The following C2CD3 variants were observed in gnomAD, a reference collection of about 807,000 sequenced individuals.
The protein encoded by C2CD3 is C2 domain containing 3 centriole elongation regulator, also known as C2 domain-containing protein 3.
In C2CD3, 148 loss-of-function variants were observed where a neutral mutation model predicts 234.0. The observed-to-expected ratio is 0.63, with a 90% CI of 0.55 to 0.72. C2CD3 has a LOEUF of 0.72. Among genes scored for constraint, C2CD3 ranks in the 30% least tolerant of loss-of-function variants. The pLI is 0.00. For missense variants in C2CD3, 2,577 were observed against 2,811.5 expected, an observed-to-expected ratio of 0.92 and a Z score of 1.89; for synonymous variants, 1,000 against 1,035.4, an observed-to-expected ratio of 0.97 and a Z score of 0.66.
chr11:74,059,742 T>G (rs1954141950), intron 24 of C2CD3, among the ~76,000 whole-genome samples: 1 of 152,184 alleles, frequency 6.6e-6, no homozygotes, highest in South Asian at 2.1e-4. Context: ...TTGATTTCTG[T>G]ATTTCCAACT....
At chr11:74,013,790 C>T (rs699139) in intron 32 of C2CD3, among the ~76,000 whole-genome samples, 4,083 of 152,228 alleles carry the variant, frequency 0.027, 189 homozygotes, top group African/African-American at 0.094. Context: ...AGAGCTGGGA[C>T]GTGAACCCCA....
chr11:74,062,856 A>C (rs1283654835), intron 24 of C2CD3, among the ~76,000 whole-genome samples: 1 of 152,098 alleles, frequency 6.6e-6, no homozygotes, highest in Non-Finnish European at 1.5e-5. Flanking sequence ...TTTTTTGAAA[A>C]GGTCAACAAA....
intron 2 of C2CD3, 108 bp from the exon 3 acceptor site, chr11:74,161,664 AT>A (rs1856480178): frequency 3.2e-6 from 2 of 627,526 alleles, no homozygotes; most frequent in African/African-American, 1.9e-5. Flanking sequence ...TTGAAAAAAA[AT>A]ATTTTATGTT....
chr11:74,081,142 T>C (rs539313095), intron 22 of C2CD3, among the ~76,000 whole-genome samples: 1 of 152,296 alleles, frequency 6.6e-6, no homozygotes, highest in South Asian at 2.1e-4. Flanking sequence ...ACACCTACTA[T>C]GTGTCAGGTA....
chr11:74,025,588 G>A (rs188411091), intron 32 of C2CD3, among the ~76,000 whole-genome samples: 2 of 152,194 alleles, frequency 1.3e-5, no homozygotes, highest in Admixed American at 6.5e-5. Flanking sequence ...CATTCAAAGC[G>A]GCCCAGAGAC....
intron 3 of C2CD3, among the ~76,000 whole-genome samples, chr11:74,156,035 G>C (rs1310376252): frequency 6.6e-6 from 1 of 151,984 alleles, no homozygotes; most frequent in African/African-American, 2.4e-5. Context: ...CAGCACTTTG[G>C]GAGGCCGAGG....
intron 21 of C2CD3, 77 bp downstream of exon 21, chr11:74,085,541 T>C (rs569615000): frequency 2.1e-6 from 3 of 1,426,218 alleles, no homozygotes; most frequent in Admixed American, 1.8e-5. Flanking sequence ...CTGCAGTATG[T>C]ATCTCCTAGG....
intron 24 of C2CD3, among the ~76,000 whole-genome samples, chr11:74,059,239 T>C (rs1234081534): frequency 1.3e-5 from 2 of 151,496 alleles, no homozygotes; most frequent in Non-Finnish European, 2.9e-5. Flanking sequence ...TGAAACCCCG[T>C]CTCTACTAAA....
In C2CD3 at chr11:74,051,013, C is replaced by G. The variant is rs193058119; in HGVS notation, c.5156-1471G>C. Among the ~76,000 whole-genome samples, 490 of 151,376 alleles carry G rather than the reference C, an allele frequency of 3.2e-3. 4 individuals carry two copies. In the Middle Eastern group the frequency reaches 0.034, roughly 11 times the overall value. On this transcript the variant is annotated intron_variant, in intron 26 of 32. Coordinates refer to ENST00000334126, the MANE Select transcript of C2CD3 (RefSeq NM_001286577.2). ...AGATTCAAGATCCCCTTTGGTTGAG[C>G]AGGTGGCTCATGCGTGTAACCCCAG...
chr11:74,087,213 T>C (rs370383162), intron 20 of C2CD3, among the ~76,000 whole-genome samples: 9 of 152,188 alleles, frequency 5.9e-5, no homozygotes, highest in African/African-American at 2.2e-4. Context: ...CCATGAAGTA[T>C]ATATTATGCC....
intron 2 of C2CD3, among the ~76,000 whole-genome samples, chr11:74,165,875 A>T (rs1045957101): frequency 6.6e-6 from 1 of 151,992 alleles, no homozygotes; most frequent in African/African-American, 2.4e-5. Context: ...GTGGAATCTA[A>T]TTTTTTTGTA....
chr11:74,117,131 TATATATATATGAATATATATATATGA>T (rs1957031821), intron 9 of C2CD3, among the ~76,000 whole-genome samples: 1 of 6,638 alleles, frequency 1.5e-4, no homozygotes, highest in Non-Finnish European at 4.1e-4. Context: ...TATATATGAA[TATATATATATGAATATATATATATGA>T]ATATATATAT....
At chr11:74,026,825 G>A (rs1252256180) in intron 32 of C2CD3, among the ~76,000 whole-genome samples, 1 of 151,936 alleles carries the variant, frequency 6.6e-6, no homozygotes, top group Non-Finnish European at 1.5e-5. Context: ...AAAAGTAGCT[G>A]GGCATGGTAG....
At chr11:74,044,731 TA>T (rs1209732161) in intron 28 of C2CD3, among the ~76,000 whole-genome samples, 1 of 152,144 alleles carries the variant, frequency 6.6e-6, no homozygotes, top group Non-Finnish European at 1.5e-5. Flanking sequence ...TAGTAGTCCC[TA>T]GTTTCTTTTG....
At chr11:74,151,822 C>A (rs895937163) in intron 3 of C2CD3, among the ~76,000 whole-genome samples, 2 of 151,488 alleles carry the variant, frequency 1.3e-5, no homozygotes, top group African/African-American at 4.9e-5. Context: ...TATAGATGCT[C>A]CTAATGCTTA....
intron 14 of C2CD3, 117 bp from the exon 15 acceptor site, chr11:74,100,793 A>C: frequency 2.5e-6 from 2 of 794,848 alleles, no homozygotes; most frequent in Non-Finnish European, 3.9e-6. Context: ...CAGTGTTATG[A>C]GCTAAAGACA....
At chr11:74,074,691 C>T (rs1954955730) in intron 23 of C2CD3, 91 bp from the exon 24 acceptor site, 3 of 1,066,192 alleles carry the variant, frequency 2.8e-6, no homozygotes, top group Non-Finnish European at 1.3e-6. Context: ...GTGGTCCTTT[C>T]TCCTTTGAAA....
At chr11:74,034,423 G>A in intron 30 of C2CD3, 145 bp from the exon 31 acceptor site, 1 of 1,519,238 alleles carries the variant, frequency 6.6e-7, no homozygotes, top group Admixed American at 2.1e-5. Context: ...AAGATTCAGT[G>A]AGACTATATT....
At chr11:74,117,048 G>GAATATATATATGAA (rs1956998836) in intron 9 of C2CD3, among the ~76,000 whole-genome samples, 1 of 49,018 alleles carries the variant, frequency 2.0e-5, no homozygotes, top group African/African-American at 7.7e-5. Flanking sequence ...ACGTGTGTGT[G>GAATATATATATGAA]TATATATATA....
Sources: gnomAD v4.1 joint callset for allele counts (sites outside exome capture counted in the v4.1 genomes callset) on GRCh38, gnomAD v4.1.1 for gene constraint, MANE v1.5 for transcripts, NCBI Gene and HGNC (gene_info 2026-07-23, HGNC 2026-07-21) for gene names.